The following DAP3 variants were observed in gnomAD, a reference collection of about 807,000 sequenced individuals.
The protein encoded by DAP3 is death associated protein 3.
Under a neutral mutation model 51.9 loss-of-function variants are expected in DAP3, and 28 were observed. The observed-to-expected ratio is 0.54, with a 90% CI of 0.40 to 0.74. The LOEUF is 0.74. Among genes scored for constraint, DAP3 ranks in the 30% least tolerant of loss-of-function variants. DAP3 has a pLI of 0.00. For missense variants in DAP3, 458 were observed against 483.5 expected, an observed-to-expected ratio of 0.95 and a Z score of 0.49; for synonymous variants, 170 against 170.3, an observed-to-expected ratio of 1.00 and a Z score of 0.01.
upstream of DAP3, chr1:155,688,222 G>A (rs554355678): frequency 6.2e-6 from 10 of 1,613,546 alleles, no homozygotes; most frequent in East Asian, 4.5e-5. Flanking sequence ...TGCGAGAGAG[G>A]AGAAGGGAAA....
intron 9 of DAP3, among the ~76,000 whole-genome samples, chr1:155,731,035 C>T (rs962616499): frequency 2.6e-5 from 4 of 151,920 alleles, no homozygotes; most frequent in African/African-American, 7.3e-5. Context: ...TTTGGTAGGC[C>T]GAGGTGGGTG....
upstream of DAP3, chr1:155,688,099 A>G (rs76443098): frequency 3.4e-3 from 5,436 of 1,607,686 alleles, 175 homozygotes; most frequent in African/African-American, 0.063. Context: ...CGATGAGAGT[A>G]CAGGGAAGTG....
In DAP3 at chr1:155,692,531, C is replaced by T. The variant is rs77396321; in HGVS notation, c.-8+3357C>T. 4.2e-5 allele frequency among the ~76,000 whole-genome samples: 6 copies of T among 142,178 alleles called. 1 individual carries two copies. Among genetic ancestry groups the T allele is most frequent in the East Asian group, 3.9e-4 (2 of 5,194 alleles). The allele number at this position is 142,178 out of a possible 152,430, so 93.3% of individuals were successfully genotyped here. A position where few individuals can be genotyped will look rare whatever the true frequency, so the allele number is the denominator to read the frequency against. On this transcript the variant is annotated intron_variant, in intron 1 of 12. Transcript: ENST00000368336. ...AAATTTGCGATAGTTGATTCTCTAA[C>T]GGTCTTAATCCACTTAAGAGGATTT...
Position 155,689,100 on chromosome 1 carries a change from G to T in DAP3, c.-82G>T, listed in dbSNP as rs1653259636. 3.0e-6 allele frequency: 4 copies of T among 1,343,702 alleles called. No homozygotes were observed. Among genetic ancestry groups the T allele is most frequent in the East Asian group, 2.5e-5 (1 of 40,190 alleles). The allele number at this position is 1,343,702 out of a possible 1,614,324, so 83.2% of individuals were successfully genotyped here. On this transcript the variant is annotated 5_prime_UTR_variant, in exon 1 of 13. The change creates a new upstream start codon in the 5' untranslated region. Transcript: ENST00000368336. ...GACCCGACCCTTTTTTGCAGTCTCA[G>T]GACGGGCGCTTTGGAGCCGGCCCCA...
At chr1:155,704,216 G>T (rs1655676397) in intron 1 of DAP3, among the ~76,000 whole-genome samples, 1 of 152,236 alleles carries the variant, frequency 6.6e-6, no homozygotes, top group South Asian at 2.1e-4. Context: ...AAATGTTTAA[G>T]TCTGGATGCT....
At chr1:155,729,726 G>A (rs914903869) in intron 9 of DAP3, among the ~76,000 whole-genome samples, 21 of 152,148 alleles carry the variant, frequency 1.4e-4, no homozygotes, top group African/African-American at 4.8e-4. Context: ...CAAGGTTGTA[G>A]TGTGGCATGA....
chr1:155,693,619 T>C (rs1489585380), intron 1 of DAP3, among the ~76,000 whole-genome samples: 1 of 142,070 alleles, frequency 7.0e-6, no homozygotes, highest in Non-Finnish European at 1.5e-5. Context: ...AGGGGACCAA[T>C]CAGTGACAAT....
chr1:155,717,290 C>G (rs1436907099), intron 3 of DAP3, among the ~76,000 whole-genome samples, 162 bp downstream of exon 3: 1 of 152,164 alleles, frequency 6.6e-6, no homozygotes, highest in East Asian at 1.9e-4. Flanking sequence ...CTCCCTGTCC[C>G]TGTCTGATAC....
chr1:155,688,297 C>A (rs1275706598), upstream of DAP3: 2 of 1,570,586 alleles, frequency 1.3e-6, no homozygotes, highest in South Asian at 2.3e-5. Context: ...GGATCGTTTC[C>A]CCTCGCAAAG....
At chr1:155,731,137 C>T (rs544831014) in intron 9 of DAP3, among the ~76,000 whole-genome samples, 3 of 151,966 alleles carry the variant, frequency 2.0e-5, no homozygotes, top group South Asian at 4.2e-4. Context: ...TCTGGTGGCG[C>T]GCGCCTATAG....
At chr1:155,717,708 C>A (rs1225268488) in intron 3 of DAP3, among the ~76,000 whole-genome samples, 1 of 152,166 alleles carries the variant, frequency 6.6e-6, no homozygotes, top group African/African-American at 2.4e-5. Flanking sequence ...AGGTTCAGAA[C>A]CCAATTTTTC....
chr1:155,709,767 TAA>T lies in DAP3; in HGVS notation c.-7-5_-7-4del. 6.2e-7 allele frequency: 1 copy of T among 1,603,208 alleles called. No homozygotes were observed. Among genetic ancestry groups the T allele is most frequent in the Non-Finnish European group, 8.5e-7 (1 of 1,176,684 alleles). ...TACCTTTTCACTTTTTTTTTTTTTG[TAA>T]CAGTGCAAGGATGATGCTGAAAGGA... is the stretch of plus-strand genomic sequence containing the variant. On this transcript the variant is annotated splice_region_variant and splice_polypyrimidine_tract_variant and intron_variant, in intron 1 of 12. Coordinates refer to ENST00000368336, the MANE Select transcript of DAP3 (RefSeq NM_004632.4).
intron 2 of DAP3, among the ~76,000 whole-genome samples, chr1:155,712,612 CAAAAAAAAAAA>C (rs61338392): frequency 1.8e-5 from 1 of 55,520 alleles, no homozygotes; most frequent in Non-Finnish European, 3.4e-5. Context: ...AACTCCGTCT[CAAAAAAAAAAA>C]AAAAAAAAAA....
At chr1:155,701,061 T>C (rs1211628123) in intron 1 of DAP3, among the ~76,000 whole-genome samples, 1 of 65,690 alleles carries the variant, frequency 1.5e-5, no homozygotes, top group Non-Finnish European at 2.7e-5. Context: ...TGGGGGGGGG[T>C]CAGCCCCCCT....
At chr1:155,721,648 G>A in intron 4 of DAP3, 30 bp downstream of exon 4, 1 of 1,609,204 alleles carries the variant, frequency 6.2e-7, no homozygotes, top group Non-Finnish European at 8.5e-7. Flanking sequence ...GAATTGGAGG[G>A]AGCCCAGAAT....
chr1:155,690,317 G>A (rs1294511859), intron 1 of DAP3, among the ~76,000 whole-genome samples: 1 of 141,048 alleles, frequency 7.1e-6, no homozygotes, highest in East Asian at 1.9e-4. Context: ...TTTGGGAGGC[G>A]GAGGAGGGCG....
intron 1 of DAP3, chr1:155,689,480 A>T: frequency 2.2e-6 from 1 of 458,186 alleles, no homozygotes; most frequent in East Asian, 6.8e-5. Flanking sequence ...GTGATGGAGG[A>T]TGAAGAAACC....
intron 1 of DAP3, among the ~76,000 whole-genome samples, chr1:155,693,990 A>G (rs1231286217): frequency 7.1e-6 from 1 of 141,654 alleles, no homozygotes; most frequent in Non-Finnish European, 1.5e-5. Flanking sequence ...AAAAAGAGAT[A>G]CAATCCTTTC....
At chr1:155,722,789 C>A (rs1321873201) in intron 4 of DAP3, among the ~76,000 whole-genome samples, 1 of 152,126 alleles carries the variant, frequency 6.6e-6, no homozygotes, top group Non-Finnish European at 1.5e-5. Context: ...CAGAGTGAGA[C>A]CCTGTCTCCA....
Sources: gnomAD v4.1 joint callset for allele counts (sites outside exome capture counted in the v4.1 genomes callset) on GRCh38, gnomAD v4.1.1 for gene constraint, MANE v1.5 for transcripts, NCBI Gene and HGNC (gene_info 2026-07-23, HGNC 2026-07-21) for gene names.